The following UNC5D variants were observed in gnomAD, a reference collection of about 807,000 sequenced individuals.
UNC5D encodes the protein unc-5 netrin receptor D.
A neutral mutation model predicts 105.4 loss-of-function variants in UNC5D; 39 were observed. The observed-to-expected ratio is 0.37, with a 90% CI of 0.29 to 0.48. The LOEUF (loss-of-function observed/expected upper bound fraction) is 0.48. UNC5D is among the 20% of genes least tolerant of loss of function. The pLI, the probability that UNC5D is intolerant of heterozygous loss-of-function variation, is 0.98. For missense variants in UNC5D, 991 were observed against 1,202.4 expected (o/e 0.82, Z 2.60); for synonymous variants, 452 against 450.4 (o/e 1.00, Z -0.04).
At position 35,795,319 on chromosome 8, in the gene UNC5D, C is replaced by G. The variant is rs1803213983; in HGVS notation, c.*4756C>G. The G allele has an allele frequency of 6.6e-6, 1 of 152,176 alleles. No homozygotes were observed. The allele number at this position is 152,176 out of a possible 1,614,324, so 9.4% of individuals were successfully genotyped here. On this transcript the variant is annotated 3_prime_UTR_variant, in exon 17 of 17. Transcript: ENST00000404895. ...AGGCATGATTACAATGGAAATGCCC[C>G]TTTGCCTCCAGTTTTGCTAACCCTA...
chr8:35,466,577 C>A (rs930318211), intron 1 of UNC5D, among the ~76,000 whole-genome samples: 5 of 152,052 alleles, frequency 3.3e-5, no homozygotes, highest in Non-Finnish European at 5.9e-5. Flanking sequence ...GGTGTTATTT[C>A]CTTAAAAAAG....
Position 35,249,082 on chromosome 8 carries a change from GTT to G in UNC5D, c.103+13196_103+13197del, listed in dbSNP as rs1431008032. On this transcript the variant is annotated intron_variant, in intron 1 of 16. Coordinates refer to ENST00000404895, the MANE Select transcript of UNC5D (RefSeq NM_080872.4). ...TATAAAATATATATAATATATAAAA[GTT>G]ATATATAATATATAAAAAAATATAT... Among the ~76,000 whole-genome samples the G allele has an allele frequency of 6.3e-5, 7 of 111,056 alleles. No homozygotes were observed. The Admixed American group carries it at 8.3e-4, about 13-fold the overall frequency. 72.9% of individuals were successfully genotyped at this position (111,056 alleles called of 152,430 possible).
chr8:35,568,250 A>T lies in UNC5D; in HGVS notation c.466+9A>T, dbSNP rs201456969. ...CTCTGTGCGCATAGCCTGTAAGTAC[A>T]TTCTGGGTGACCTTGTCTTGTAGGA... On this transcript the variant is annotated intron_variant, in intron 3 of 16. Transcript: ENST00000404895. 1 of 1,612,958 alleles carries T rather than the reference A, an allele frequency of 6.2e-7. No individual in the cohort carries two copies. Among genetic ancestry groups the T allele is most frequent in the Non-Finnish European group, 8.5e-7 (1 of 1,179,356 alleles).
intron 1 of UNC5D, among the ~76,000 whole-genome samples, chr8:35,489,942 C>T (rs1031947633): frequency 3.3e-5 from 5 of 151,906 alleles, no homozygotes; most frequent in Non-Finnish European, 5.9e-5. Flanking sequence ...ATTTTTTGGT[C>T]GAAGATGATT....
intron 1 of UNC5D, among the ~76,000 whole-genome samples, chr8:35,533,323 G>A (rs913799791): frequency 6.6e-6 from 1 of 152,022 alleles, no homozygotes; most frequent in African/African-American, 2.4e-5. Flanking sequence ...GGGTCAGTGT[G>A]CCCCTGCTGG....
intron 2 of UNC5D, among the ~76,000 whole-genome samples, chr8:35,559,589 G>A (rs777980580): frequency 4.6e-5 from 7 of 152,212 alleles, no homozygotes; most frequent in African/African-American, 1.4e-4. Context: ...GGTAGGCACC[G>A]GGCTGGGGTT....
chr8:35,549,153 A>G (rs1454236551), intron 1 of UNC5D, 139 bp from the exon 2 acceptor site: 1 of 781,180 alleles, frequency 1.3e-6, no homozygotes, highest in African/African-American at 1.7e-5. Context: ...CATCTACACC[A>G]GTTCTACAAG....
In UNC5D at chr8:35,391,237, C is replaced by T. The variant is rs138169099; in HGVS notation, c.103+155350C>T. 9.3e-3 allele frequency among the ~76,000 whole-genome samples: 1,411 copies of T among 152,292 alleles called. 18 individuals are homozygous for T. The highest frequency in any genetic ancestry group is 0.031 in the African/African-American group (1,300 of 41,554). On this transcript the variant is annotated intron_variant, in intron 1 of 16. Coordinates refer to ENST00000404895, the MANE Select transcript of UNC5D (RefSeq NM_080872.4). ...TTGTAAAGTGCGGAAGAAGCCACCTCGTGTACTTTCCCAAAAAAGATTCCT... is the reference window on the plus strand; with the variant it reads ...TTGTAAAGTGCGGAAGAAGCCACCTTGTGTACTTTCCCAAAAAAGATTCCT...
chr8:35,776,223 C>G (rs1469375003), intron 16 of UNC5D, among the ~76,000 whole-genome samples: 1 of 152,152 alleles, frequency 6.6e-6, no homozygotes, highest in East Asian at 1.9e-4. Flanking sequence ...GTTTCTTTTT[C>G]TAGAAATGCA....
chr8:35,429,836 G>C (rs1265081597), intron 1 of UNC5D, among the ~76,000 whole-genome samples: 2 of 151,948 alleles, frequency 1.3e-5, no homozygotes, highest in African/African-American at 4.8e-5. Flanking sequence ...TTACTATAGA[G>C]CCTAGCATTT....
intron 1 of UNC5D, among the ~76,000 whole-genome samples, chr8:35,461,106 C>G (rs1357294684): frequency 6.6e-6 from 1 of 152,178 alleles, no homozygotes; most frequent in African/African-American, 2.4e-5. Flanking sequence ...ACATAAACTC[C>G]TAAAGGAAGG....
intron 4 of UNC5D, among the ~76,000 whole-genome samples, chr8:35,678,635 T>A (rs1269900596): frequency 6.6e-6 from 1 of 152,164 alleles, no homozygotes; most frequent in African/African-American, 2.4e-5. Flanking sequence ...TAACCATAAT[T>A]TTATATATTT....
chr8:35,475,520 G>T (rs1249665081), intron 1 of UNC5D, among the ~76,000 whole-genome samples: 1 of 152,182 alleles, frequency 6.6e-6, no homozygotes, highest in Non-Finnish European at 1.5e-5. Flanking sequence ...TGTGCCTGTA[G>T]TCTTTCCCAG....
rs111335295 is a variant in UNC5D at position 35,483,105 on chromosome 8, AT to A, written c.104-66177del. 8.8e-4 allele frequency among the ~76,000 whole-genome samples: 130 copies of A among 147,436 alleles called. No individual in the cohort carries two copies. The South Asian group carries it at 0.014, about 16-fold the overall frequency. ...GGCGTGAGCCACTGCACCTGGCCCC[AT>A]TTTTTTTTTAAGAGGTGCTGTTGTT... On this transcript the variant is annotated intron_variant, in intron 1 of 16. Coordinates refer to ENST00000404895, the MANE Select transcript of UNC5D (RefSeq NM_080872.4).
In UNC5D at chr8:35,722,365, C is replaced by T; in HGVS notation, c.1273C>T (p.Gln425Ter). 1 of 1,614,080 alleles carries T rather than the reference C, an allele frequency of 6.2e-7. No individual in the cohort carries two copies. The highest frequency in any genetic ancestry group is 8.5e-7 in the Non-Finnish European group (1 of 1,179,998). The change falls in exon 9 of 17, where the codon CAG becomes TAG. Residue 425 changes from glutamine to a stop codon, truncating the protein, a stop_gained. Transcript: ENST00000404895. LOFTEE classifies it high-confidence loss of function. ...IDSSALTGGF[Q>*]TFNFKTVRQG... ...CTCTTCTGCATTGACAGGTGGCTTC[C>T]AGACCTTCAACTTCAAAACAGTCCG...
chr8:35,671,694 A>G (rs1417314857), intron 4 of UNC5D, among the ~76,000 whole-genome samples: 1 of 152,166 alleles, frequency 6.6e-6, no homozygotes, highest in Admixed American at 6.5e-5. Flanking sequence ...CATGATTTTC[A>G]AAATGTTTTT....
chr8:35,543,734 A>G (rs1350982551), intron 1 of UNC5D, among the ~76,000 whole-genome samples: 1 of 152,150 alleles, frequency 6.6e-6, no homozygotes, highest in African/African-American at 2.4e-5. Context: ...TCTCAAAAAT[A>G]TTTATTTTCT....
chr8:35,426,392 A>T (rs1286779120), intron 1 of UNC5D, among the ~76,000 whole-genome samples: 1 of 152,148 alleles, frequency 6.6e-6, no homozygotes, highest in African/African-American at 2.4e-5. Context: ...TGTAAAAAAA[A>T]CTTCTGTAAA....
At chr8:35,511,819 A>G (rs1308651554) in intron 1 of UNC5D, among the ~76,000 whole-genome samples, 2 of 152,200 alleles carry the variant, frequency 1.3e-5, no homozygotes, top group East Asian at 1.9e-4. Context: ...CCTGGGCTGC[A>G]TGTAGCCACA....
Sources: allele counts gnomAD v4.1 joint callset (sites outside exome capture counted in the v4.1 genomes callset), GRCh38; gene constraint gnomAD v4.1.1; transcripts MANE v1.5; gene names NCBI Gene and HGNC (gene_info 2026-07-23, HGNC 2026-07-21).